The following KDM4A variants were observed in gnomAD, a reference collection of about 807,000 sequenced individuals.
KDM4A encodes lysine demethylase 4A, also known as lysine-specific demethylase 4A.
KDM4A carries 23 observed loss-of-function variants against 127.1 expected under a neutral mutation model. The observed-to-expected ratio is 0.18, with a 90% CI of 0.13 to 0.26. The LOEUF is 0.26. KDM4A is among the 10% of genes least tolerant of loss of function. The pLI, the probability that KDM4A is intolerant of heterozygous loss-of-function variation, is 1.00. For missense variants in KDM4A, 890 were observed against 1,329.1 expected (o/e 0.67, Z 5.14); for synonymous variants, 443 against 466.5 (o/e 0.95, Z 0.65).
At chr1:43,662,845 C>T (rs758866645) in intron 4 of KDM4A, 49 bp from the exon 5 acceptor site, 15 of 1,515,792 alleles carry the variant, frequency 9.9e-6, no homozygotes, top group Admixed American at 3.9e-5. Flanking sequence ...TTCAGAGCCT[C>T]GGTTTCTATG....
chr1:43,693,970 G>A lies in KDM4A; in HGVS notation c.2376-24G>A. ...CAGAGCCTTGGGCCCAGAGGTGACT[G>A]AGGGAGCCTTTGCCTTTTGGCAGGT... On this transcript the variant is annotated intron_variant, in intron 16 of 21. Transcript: ENST00000372396. The surrounding 1 kb of genome is among the most constrained non-coding windows in gnomAD (Gnocchi z 4.2). 6.2e-7 allele frequency: 1 copy of A among 1,604,868 alleles called. No individual in the cohort carries two copies. The highest frequency in any genetic ancestry group is 8.5e-7 in the Non-Finnish European group (1 of 1,171,818).
chr1:43,669,375 G>C (rs2154047256), intron 10 of KDM4A, 76 bp downstream of exon 10: 1 of 1,433,374 alleles, frequency 7.0e-7, no homozygotes, highest in East Asian at 2.3e-5. Flanking sequence ...ATTGAGTGCT[G>C]GGTCAGAAAT....
intron 3 of KDM4A, among the ~76,000 whole-genome samples, chr1:43,656,153 G>T (rs1033369419): frequency 6.6e-6 from 1 of 152,040 alleles, no homozygotes; most frequent in Non-Finnish European, 1.5e-5. Flanking sequence ...AATTGTGCTG[G>T]AATTTCTCAC....
intron 12 of KDM4A, among the ~76,000 whole-genome samples, chr1:43,686,784 G>A (rs1442694448): frequency 3.3e-5 from 5 of 152,168 alleles, no homozygotes; most frequent in Non-Finnish European, 7.4e-5. Flanking sequence ...ACTGTTGTAT[G>A]CCCCTCCCCC....
intron 19 of KDM4A, among the ~76,000 whole-genome samples, chr1:43,698,758 T>C (rs142147876): frequency 6.6e-6 from 1 of 152,328 alleles, no homozygotes; most frequent in Non-Finnish European, 1.5e-5. Flanking sequence ...GCGACATTAG[T>C]AGTACTCATA....
chr1:43,659,974 C>G (rs934475078), intron 3 of KDM4A, among the ~76,000 whole-genome samples: 8 of 152,058 alleles, frequency 5.3e-5, no homozygotes, highest in Non-Finnish European at 1.5e-5. Flanking sequence ...GTCTGTAAGC[C>G]CATTTTCTCC....
chr1:43,656,339 T>G (rs2154046384), intron 3 of KDM4A, among the ~76,000 whole-genome samples: 1 of 138,554 alleles, frequency 7.2e-6, no homozygotes, highest in South Asian at 2.5e-4. Flanking sequence ...GTTTTTTTTT[T>G]TTTTTTTTTT....
At chr1:43,663,207 G>A in intron 5 of KDM4A, 120 bp downstream of exon 5, 1 of 819,950 alleles carries the variant, frequency 1.2e-6, no homozygotes, top group South Asian at 1.8e-5. Context: ...GGCTTGGGGT[G>A]ACATTCCATG....
intron 19 of KDM4A, among the ~76,000 whole-genome samples, chr1:43,701,635 G>A (rs145314262): frequency 1.5e-3 from 231 of 152,234 alleles, no homozygotes; most frequent in African/African-American, 5.3e-3. Context: ...CTATAGGCGT[G>A]TGCCATCACA....
chr1:43,683,545 A>G (rs572377603), intron 11 of KDM4A, 139 bp from the exon 12 acceptor site: 3 of 988,464 alleles, frequency 3.0e-6, no homozygotes, highest in African/African-American at 3.3e-5. Flanking sequence ...TTTTTCTAAG[A>G]TAGGTATTTT....
rs1256578931 is a variant in KDM4A at position 43,694,797 on chromosome 1, T to C, written c.2573T>C (p.Val858Ala). Residue 858 changes from valine (V) to alanine (A), a missense_variant, in exon 18 of 22, where the codon GTG becomes GCG. By Grantham distance (64) the Val-to-Ala change is moderately conservative. Coordinates refer to ENST00000372396, the MANE Select transcript of KDM4A (RefSeq NM_014663.3). The surrounding 1 kb of genome is among the most constrained non-coding windows in gnomAD (Gnocchi z 5.2). ...SHGRCPTAFH[V>A]SCAQAAGVMM... ...GGCCGCTGCCCAACTGCCTTCCATG[T>C]GAGCTGCGCCCAGGCTGCCGGTGTG... The C allele has an allele frequency of 1.9e-6, 3 of 1,613,938 alleles. No individual in the cohort carries two copies. The African/African-American group carries it at 4.0e-5, about 22-fold the overall frequency.
chr1:43,669,736 C>T (rs909511638), intron 10 of KDM4A, among the ~76,000 whole-genome samples: 2 of 151,428 alleles, frequency 1.3e-5, no homozygotes, highest in African/African-American at 4.9e-5. Context: ...GCAACTTCTG[C>T]CTCCTGGGTT....
Position 43,704,647 on chromosome 1 carries a change from G to C in KDM4A, c.*277G>C. 2.3e-6 allele frequency: 1 copy of C among 437,362 alleles called. No individual in the cohort carries two copies. 27.1% of individuals were successfully genotyped at this position (437,362 alleles called of 1,614,324 possible). ...TGCACTGGCCCCAGTCCATAGAGGG[G>C]TCAACTATGCTGGCTGGACTGGCTG... is the stretch of plus-strand genomic sequence containing the variant. On this transcript the variant is annotated 3_prime_UTR_variant, in exon 22 of 22. Transcript: ENST00000372396.
intron 3 of KDM4A, 146 bp from the exon 4 acceptor site, chr1:43,660,152 C>A: frequency 1.2e-6 from 1 of 814,098 alleles, no homozygotes; most frequent in Non-Finnish European, 2.0e-6. Flanking sequence ...GGACTGACTA[C>A]GTATTAGAGC....
Position 43,671,799 on chromosome 1 carries a change from G to A in KDM4A, c.1658G>A (p.Arg553Lys). The A allele has an allele frequency of 6.2e-7, 1 of 1,609,936 alleles. No homozygotes were observed. ...TVHSYAKGDGRVTVGEPCTRK... is the reference protein window; with the variant it reads ...TVHSYAKGDGKVTVGEPCTRK... ...CACAGTTATGCCAAAGGGGATGGCA[G>A]GGTCACTGTGGGAGAGCCATGCACG... The change falls in exon 11 of 22, where the codon AGG becomes AAG. Residue 553 changes from arginine to lysine, a missense_variant. Physicochemically the swap from Arg to Lys is conservative, Grantham distance 26 (BLOSUM62 2). This residue lies in a region of KDM4A where 389 missense variants were observed against 485.9 expected (regional missense o/e 0.80). Transcript: ENST00000372396.
rs746359582 is a variant in KDM4A, at chr1:43,671,769, C to T, written c.1628C>T (p.Thr543Ile). 30 of 1,613,982 alleles carry T rather than the reference C, an allele frequency of 1.9e-5. No homozygotes were observed. The highest frequency in any genetic ancestry group is 2.5e-5 in the Non-Finnish European group (30 of 1,179,894). Residue 543 changes from threonine (T) to isoleucine (I), a missense_variant, in exon 11 of 22, where the codon ACT becomes ATT. By Grantham distance (89) the Thr-to-Ile change is moderately conservative. Transcript: ENST00000372396. ...CRAQGQTGVLTVHSYAKGDGR... is the reference protein window; with the variant it reads ...CRAQGQTGVLIVHSYAKGDGR... ...GCCCAAGGGCAAACGGGAGTTCTCA[C>T]TGTGCACAGTTATGCCAAAGGGGAT...
Position 43,667,105 on chromosome 1 carries a change from AT to A in KDM4A, c.915+17del. 6.2e-7 allele frequency: 1 copy of A among 1,613,854 alleles called. No individual in the cohort carries two copies. Among genetic ancestry groups the A allele is most frequent in the African/African-American group, 1.3e-5 (1 of 74,998 alleles). On this transcript the variant is annotated intron_variant, in intron 8 of 21. Coordinates refer to ENST00000372396, the MANE Select transcript of KDM4A (RefSeq NM_014663.3). ...CAAGCTGTGCTGGTAAGTCTGCTTG[AT>A]TTCTTTCTATAACACCATGACAAAA... is the stretch of plus-strand genomic sequence containing the variant.
chr1:43,682,371 G>A (rs552487444), intron 11 of KDM4A, among the ~76,000 whole-genome samples: 2 of 152,300 alleles, frequency 1.3e-5, no homozygotes, highest in African/African-American at 4.8e-5. Flanking sequence ...GGTGCTTTCC[G>A]GATGTACGTT....
Position 43,694,794 on chromosome 1 carries a change from A to C in KDM4A, c.2570A>C (p.His857Pro), listed in dbSNP as rs1570872353. 1 of 1,614,094 alleles carries C rather than the reference A, an allele frequency of 6.2e-7. No homozygotes were observed. Among genetic ancestry groups the C allele is most frequent in the Non-Finnish European group, 8.5e-7 (1 of 1,179,986 alleles). The change falls in exon 18 of 22, where the codon CAT becomes CCT. Residue 857 changes from histidine (H) to proline (P), a missense_variant. Around this residue, in one of 7 missense-constraint regions of KDM4A, gnomAD observed 246 missense variants for 418.4 expected, o/e 0.59. Transcript: ENST00000372396. This position sits in a 1 kb window ranked among gnomAD's most constrained non-coding sequence, Gnocchi z 5.2. ...CACGGCCGCTGCCCAACTGCCTTCC[A>C]TGTGAGCTGCGCCCAGGCTGCCGGT... ...CSHGRCPTAF[H>P]VSCAQAAGVM...
Sources: gnomAD v4.1 joint callset for allele counts (sites outside exome capture counted in the v4.1 genomes callset) on GRCh38, gnomAD v4.1.1 for gene constraint, gnomAD v4.1.1 regional missense constraint, Gnocchi (gnomAD v3.1) non-coding constraint, MANE v1.5 for transcripts, NCBI Gene and HGNC (gene_info 2026-07-23, HGNC 2026-07-21) for gene names.